PTCD2: variants seen among roughly 807,000 people sequenced by gnomAD.
PTCD2 encodes pentatricopeptide repeat domain 2.
PTCD2 carries 31 observed loss-of-function variants against 42.6 expected under a neutral mutation model. That is an observed-to-expected ratio of 0.73 (90% CI 0.55 to 0.98). PTCD2 has a LOEUF of 0.98. PTCD2 is among the 50% of genes least tolerant of loss of function. PTCD2 has a pLI of 0.00. For missense variants in PTCD2, 476 were observed against 454.8 expected, an observed-to-expected ratio of 1.05 and a Z score of -0.42; for synonymous variants, 183 against 170.9, an observed-to-expected ratio of 1.07 and a Z score of -0.55.
At chr5:72,351,567 A>T (rs1752623608) in intron 8 of PTCD2, among the ~76,000 whole-genome samples, 1 of 152,214 alleles carries the variant, frequency 6.6e-6, no homozygotes, top group Non-Finnish European at 1.5e-5. Flanking sequence ...TCACAGTATC[A>T]CATGGCTGGG....
intron 2 of PTCD2, among the ~76,000 whole-genome samples, chr5:72,324,512 TC>T (rs1419646522): frequency 6.6e-6 from 1 of 152,120 alleles, no homozygotes; most frequent in African/African-American, 2.4e-5. Flanking sequence ...ACCTAGAATA[TC>T]CCCCTCCTCC....
chr5:72,340,892 A>G (rs1346906086), intron 7 of PTCD2, among the ~76,000 whole-genome samples: 1 of 148,846 alleles, frequency 6.7e-6, no homozygotes, highest in African/African-American at 2.5e-5. Context: ...CATTTTTCTC[A>G]TTTCTATCTT....
In PTCD2 at chr5:72,326,655, G is replaced by C; in HGVS notation, c.264G>C (p.Lys88Asn). 6.2e-7 allele frequency: 1 copy of C among 1,614,164 alleles called. No homozygotes were observed. The highest frequency in any genetic ancestry group is 1.1e-5 in the South Asian group (1 of 91,084). Reference protein sequence around the residue: ...RNLKKKLTQNKLILKGELITL... With the variant: ...RNLKKKLTQNNLILKGELITL... ...TGAAAAAGAAACTGACCCAGAACAAGCTCATCTTGAAGGGGGAGTTGATAA... is the reference window on the plus strand; with the variant it reads ...TGAAAAAGAAACTGACCCAGAACAACCTCATCTTGAAGGGGGAGTTGATAA... The change falls in exon 3 of 10, where the codon AAG (lysine) becomes AAC (asparagine). Residue 88 changes from lysine (K) to asparagine (N), a missense_variant. Lys to Asn is a moderately conservative substitution (Grantham distance 94). Transcript: ENST00000380639.
intron 3 of PTCD2, among the ~76,000 whole-genome samples, chr5:72,329,589 T>G (rs1751324312): frequency 6.6e-6 from 1 of 152,230 alleles, no homozygotes; most frequent in African/African-American, 2.4e-5. Flanking sequence ...AAGTTTCTCA[T>G]GAGAATATTT....
At chr5:72,342,596 G>T (rs1292276713) in intron 7 of PTCD2, among the ~76,000 whole-genome samples, 1 of 152,206 alleles carries the variant, frequency 6.6e-6, no homozygotes, top group African/African-American at 2.4e-5. Context: ...GTTTCTGGCA[G>T]TGTTTCCAGC....
intron 3 of PTCD2, among the ~76,000 whole-genome samples, chr5:72,327,840 A>T (rs146782959): frequency 2.6e-5 from 4 of 152,316 alleles, no homozygotes; most frequent in Admixed American, 6.5e-5. Context: ...TTATAGAGAG[A>T]AATACAAGAT....
chr5:72,323,131 C>T lies in PTCD2; in HGVS notation c.220+867C>T, dbSNP rs546511866. On this transcript the variant is annotated intron_variant, in intron 2 of 9. Coordinates refer to ENST00000380639, the MANE Select transcript of PTCD2 (RefSeq NM_024754.5). ...CACCACTGCACTCCAACCTGTGTAA[C>T]AGAGTGAGACCCTGTCTCAAAAAAA... Among the ~76,000 whole-genome samples, 4 of 152,022 alleles carry T rather than the reference C, an allele frequency of 2.6e-5. No individual in the cohort carries two copies. The South Asian group carries it at 8.3e-4, about 32-fold the overall frequency.
At chr5:72,339,890 T>C (rs1427560990) in intron 7 of PTCD2, among the ~76,000 whole-genome samples, 1 of 152,130 alleles carries the variant, frequency 6.6e-6, no homozygotes, top group African/African-American at 2.4e-5. Context: ...TTTGCTTGTT[T>C]TTCTCTTTGT....
chr5:72,357,470 T>TACACTCCAGTTCATTCTCTGC (rs1268015600), intron 9 of PTCD2, among the ~76,000 whole-genome samples: 5 of 152,354 alleles, frequency 3.3e-5, no homozygotes, highest in South Asian at 2.1e-4. Flanking sequence ...CACATTTCTG[T>TACACTCCAGTTCATTCTCTGC]ACACTCCAGT....
At chr5:72,324,839 G>A (rs1213410458) in intron 2 of PTCD2, among the ~76,000 whole-genome samples, 2 of 152,064 alleles carry the variant, frequency 1.3e-5, no homozygotes, top group South Asian at 2.1e-4. Flanking sequence ...GGATACTTCC[G>A]AGTATGATTA....
chr5:72,326,792 C>T (rs762824745), intron 3 of PTCD2, 51 bp downstream of exon 3: 1 of 1,581,632 alleles, frequency 6.3e-7, no homozygotes, highest in African/African-American at 1.4e-5. Flanking sequence ...TTACTCTGTT[C>T]CTTTCTATGA....
At chr5:72,357,342 T>G (rs769840960) in intron 9 of PTCD2, among the ~76,000 whole-genome samples, 13 of 152,208 alleles carry the variant, frequency 8.5e-5, no homozygotes, top group Non-Finnish European at 1.9e-4. Context: ...GTCCTTTCAG[T>G]GTAAACTCCA....
intron 2 of PTCD2, among the ~76,000 whole-genome samples, chr5:72,324,837 C>A (rs937278592): frequency 2.0e-5 from 3 of 152,114 alleles, no homozygotes; most frequent in African/African-American, 7.2e-5. Flanking sequence ...AAGGATACTT[C>A]CGAGTATGAT....
Position 72,358,824 on chromosome 5 carries a change from G to A in PTCD2, c.*397G>A, listed in dbSNP as rs112472809. ...ATTACATCCTTGCTGAATTCAGGAG[G>A]TATGAAACCCTATTTTACCATGTTA... On this transcript the variant is annotated 3_prime_UTR_variant, in exon 10 of 10. Coordinates refer to ENST00000380639, the MANE Select transcript of PTCD2 (RefSeq NM_024754.5). 1.9e-4 allele frequency: 40 copies of A among 210,752 alleles called. No homozygotes were observed. Among genetic ancestry groups the A allele is most frequent in the Middle Eastern group, 3.8e-3 (2 of 532 alleles). 13.1% of individuals were successfully genotyped at this position (210,752 alleles called of 1,614,324 possible).
At chr5:72,337,753 A>G (rs1292553935) in intron 6 of PTCD2, among the ~76,000 whole-genome samples, 3 of 152,220 alleles carry the variant, frequency 2.0e-5, no homozygotes, top group Non-Finnish European at 4.4e-5. Flanking sequence ...AAATCGCACC[A>G]TTGCATTCCA....
rs1377570219 is a variant in PTCD2, at chr5:72,367,107, C to T, written c.*8680C>T. The T allele has an allele frequency of 6.6e-6, 1 of 152,214 alleles. No homozygotes were observed. The highest frequency in any genetic ancestry group is 2.4e-5 in the African/African-American group (1 of 41,442). 9.4% of individuals were successfully genotyped at this position (152,214 alleles called of 1,614,324 possible). ...CAACCTTACTGTCTCTTCCTGCCAT[C>T]ATCAGGAATGACTAAATCTTGGAGC... On this transcript the variant is annotated 3_prime_UTR_variant, in exon 10 of 10. Transcript: ENST00000380639.
rs773301821 is a variant in PTCD2 at position 72,363,544 on chromosome 5, C to T, written c.*5117C>T. On this transcript the variant is annotated 3_prime_UTR_variant, in exon 10 of 10. Coordinates refer to ENST00000380639, the MANE Select transcript of PTCD2 (RefSeq NM_024754.5). ...GTGAGGAGGGGGAAGAGTGGGAAGT[C>T]TGGCCTTGTCTCTGGACTCCTGAGT... The T allele has an allele frequency of 3.9e-5, 6 of 152,356 alleles. No homozygotes were observed. The highest frequency in any genetic ancestry group is 8.8e-5 in the Non-Finnish European group (6 of 68,198). The allele number at this position is 152,356 out of a possible 1,614,324, so 9.4% of individuals were successfully genotyped here. A position where few individuals can be genotyped will look rare whatever the true frequency, so the allele number is the denominator to read the frequency against.
intron 8 of PTCD2, among the ~76,000 whole-genome samples, chr5:72,343,644 A>C (rs1166153785): frequency 6.6e-6 from 1 of 152,196 alleles, no homozygotes; most frequent in African/African-American, 2.4e-5. Flanking sequence ...GGCTGCACAC[A>C]TATCACCAAG....
intron 2 of PTCD2, among the ~76,000 whole-genome samples, chr5:72,324,353 C>A (rs1580137869): frequency 6.6e-6 from 1 of 152,224 alleles, no homozygotes; most frequent in Non-Finnish European, 1.5e-5. Context: ...TTGTATACCA[C>A]ACTATTAACA....
Sources: gnomAD v4.1 joint callset for allele counts (sites outside exome capture counted in the v4.1 genomes callset) on GRCh38, gnomAD v4.1.1 for gene constraint, MANE v1.5 for transcripts, NCBI Gene and HGNC (gene_info 2026-07-23, HGNC 2026-07-21) for gene names.